The following PLXDC2 variants were observed in gnomAD, a reference collection of about 807,000 sequenced individuals.
PLXDC2 encodes plexin domain-containing protein 2.
PLXDC2 carries 40 observed loss-of-function variants against 68.9 expected under a neutral mutation model. That is an observed-to-expected ratio of 0.58 (90% CI 0.45 to 0.76). PLXDC2 has a LOEUF of 0.76. Among genes scored for constraint, PLXDC2 ranks in the 30% least tolerant of loss-of-function variants. The pLI is 0.00. For missense variants in PLXDC2, 644 were observed against 661.9 expected, an observed-to-expected ratio of 0.97 and a Z score of 0.30; for synonymous variants, 243 against 234.2, an observed-to-expected ratio of 1.04 and a Z score of -0.34.
At chr10:19,914,898 C>T (rs1019564733) in intron 1 of PLXDC2, among the ~76,000 whole-genome samples, 1 of 152,246 alleles carries the variant, frequency 6.6e-6, no homozygotes, top group African/African-American at 2.4e-5. Context: ...CTGAAGTCTA[C>T]TTTATGTGGT....
rs550024859 is a variant in PLXDC2 at position 19,899,569 on chromosome 10, C to T, written c.112+82378C>T. Among the ~76,000 whole-genome samples, 3 of 152,202 alleles carry T rather than the reference C, an allele frequency of 2.0e-5. No individual in the cohort carries two copies. The South Asian group carries it at 6.2e-4, about 32-fold the overall frequency. ...CAGAAAGGACCTTTGAAGCTTGAGT[C>T]ACCACCAAGTATAAAAAGGATCAAT... On this transcript the variant is annotated intron_variant, in intron 1 of 13. Transcript: ENST00000377252.
At chr10:20,036,723 A>G (rs1169670249) in intron 2 of PLXDC2, among the ~76,000 whole-genome samples, 5 of 152,206 alleles carry the variant, frequency 3.3e-5, no homozygotes, top group Non-Finnish European at 7.3e-5. Flanking sequence ...CACCACAATT[A>G]TATTGTGCAT....
intron 13 of PLXDC2, among the ~76,000 whole-genome samples, chr10:20,257,938 G>A (rs184278640): frequency 2.7e-3 from 412 of 150,698 alleles, no homozygotes; most frequent in South Asian, 8.3e-3. Flanking sequence ...GGTAGGAGTG[G>A]CATACTTGGT....
intron 1 of PLXDC2, among the ~76,000 whole-genome samples, chr10:19,828,085 G>A (rs142802629): frequency 6.6e-6 from 1 of 152,320 alleles, no homozygotes; most frequent in East Asian, 1.9e-4. Context: ...TCACGATGGA[G>A]GAGTGAGCTC....
At chr10:20,188,043 G>A (rs1834710069) in intron 9 of PLXDC2, among the ~76,000 whole-genome samples, 1 of 151,452 alleles carries the variant, frequency 6.6e-6, no homozygotes, top group Admixed American at 6.6e-5. Flanking sequence ...AATAGATGCT[G>A]TTCATCCAGT....
intron 4 of PLXDC2, among the ~76,000 whole-genome samples, chr10:20,081,072 G>A (rs1473821759): frequency 6.6e-6 from 1 of 152,192 alleles, no homozygotes; most frequent in Admixed American, 6.5e-5. Flanking sequence ...CTCTGCTGGA[G>A]CAAGGGAAGA....
chr10:19,889,739 A>T (rs779496758), intron 1 of PLXDC2, among the ~76,000 whole-genome samples: 1 of 152,214 alleles, frequency 6.6e-6, no homozygotes, highest in Non-Finnish European at 1.5e-5. Context: ...CACAGGCAGG[A>T]AAAACATAGA....
chr10:20,008,827 G>T (rs1265862648), intron 2 of PLXDC2, among the ~76,000 whole-genome samples: 1 of 152,098 alleles, frequency 6.6e-6, no homozygotes, highest in South Asian at 2.1e-4. Flanking sequence ...TTTTGAGATC[G>T]GATGGTTCCA....
chr10:20,264,032 C>T (rs1176895525), intron 13 of PLXDC2, among the ~76,000 whole-genome samples: 1 of 152,114 alleles, frequency 6.6e-6, no homozygotes, highest in African/African-American at 2.4e-5. Flanking sequence ...CATTGCAGCA[C>T]TGTTCACAAT....
At chr10:20,166,473 G>C (rs1834375693) in intron 7 of PLXDC2, among the ~76,000 whole-genome samples, 1 of 152,144 alleles carries the variant, frequency 6.6e-6, no homozygotes, top group South Asian at 2.1e-4. Context: ...TCTTAAATAA[G>C]AGGCTGAGCC....
chr10:19,932,273 A>G (rs1389148756), intron 1 of PLXDC2, among the ~76,000 whole-genome samples: 1 of 151,704 alleles, frequency 6.6e-6, no homozygotes, highest in Non-Finnish European at 1.5e-5. Flanking sequence ...TCCTCTATTT[A>G]TTTTTTTCTC....
Position 20,285,341 on chromosome 10 carries a change from G to C in PLXDC2, c.*5522G>C, listed in dbSNP as rs998873091. On this transcript the variant is annotated 3_prime_UTR_variant, in exon 14 of 14. Coordinates refer to ENST00000377252, the MANE Select transcript of PLXDC2 (RefSeq NM_032812.9). ...TTTATTGAACACCTACTGGAACCAA[G>C]TGACTGTGCTAGTAACTTGTGATAT... is the stretch of plus-strand genomic sequence containing the variant. 6.6e-6 allele frequency: 1 copy of C among 152,146 alleles called. No individual in the cohort carries two copies. Among genetic ancestry groups the C allele is most frequent in the African/African-American group, 2.4e-5 (1 of 41,436 alleles). 9.4% of individuals were successfully genotyped at this position (152,146 alleles called of 1,614,324 possible).
At chr10:20,073,240 A>C (rs1410431302) in intron 4 of PLXDC2, among the ~76,000 whole-genome samples, 1 of 152,192 alleles carries the variant, frequency 6.6e-6, no homozygotes, top group Non-Finnish European at 1.5e-5. Context: ...GCTTTAAACC[A>C]CAATCCTCTT....
intron 9 of PLXDC2, among the ~76,000 whole-genome samples, chr10:20,196,983 A>G: frequency 8.2e-6 from 1 of 121,916 alleles, no homozygotes; most frequent in East Asian, 2.3e-4. Context: ...CAGATGTGGC[A>G]AAGTTGGATT....
intron 1 of PLXDC2, among the ~76,000 whole-genome samples, chr10:19,923,031 A>G (rs1038829095): frequency 1.3e-5 from 2 of 152,106 alleles, no homozygotes; most frequent in African/African-American, 4.8e-5. Flanking sequence ...TTCTTAACTC[A>G]TCCAAGTGCT....
At chr10:19,887,720 A>T (rs1022907358) in intron 1 of PLXDC2, among the ~76,000 whole-genome samples, 2 of 152,190 alleles carry the variant, frequency 1.3e-5, no homozygotes. Flanking sequence ...AATAGAAATC[A>T]CTCAAAATAT....
chr10:20,209,894 A>G (rs558278482), intron 9 of PLXDC2, among the ~76,000 whole-genome samples: 30 of 152,262 alleles, frequency 2.0e-4, no homozygotes, highest in African/African-American at 6.7e-4. Context: ...ATTTATGTTC[A>G]GAGATGGCAG....
At chr10:19,986,537 T>TAA (rs758076351) in intron 1 of PLXDC2, among the ~76,000 whole-genome samples, 22 of 125,992 alleles carry the variant, frequency 1.7e-4, no homozygotes, top group African/African-American at 3.4e-4. Flanking sequence ...GTTGATGGCT[T>TAA]AAAAAAAAAA....
chr10:20,098,383 G>GTGTGTGTGTA (rs1564314509), intron 4 of PLXDC2, among the ~76,000 whole-genome samples: 1 of 150,370 alleles, frequency 6.7e-6, no homozygotes, highest in Middle Eastern at 3.2e-3. Flanking sequence ...GTGTGTGTGT[G>GTGTGTGTGTA]TATGTATGTA....
Sources: allele counts gnomAD v4.1 joint callset (sites outside exome capture counted in the v4.1 genomes callset), GRCh38; gene constraint gnomAD v4.1.1; transcripts MANE v1.5; gene names NCBI Gene and HGNC (gene_info 2026-07-23, HGNC 2026-07-21).